The following LRRC7 variants were observed in gnomAD, a reference collection of about 807,000 sequenced individuals.
The protein encoded by LRRC7 is leucine rich repeat containing 7, also known as leucine-rich repeat-containing protein 7.
In LRRC7, 23 loss-of-function variants were observed where a neutral mutation model predicts 175.7. The observed-to-expected ratio is 0.13, with a 90% CI of 0.09 to 0.19. The LOEUF is 0.19. LRRC7 is among the 10% of genes least tolerant of loss of function. LRRC7 has a pLI of 1.00. For synonymous variants in LRRC7, 685 were observed against 680.9 expected, an observed-to-expected ratio of 1.01 and a Z score of -0.09; for missense variants, 1,354 against 1,904.7, an observed-to-expected ratio of 0.71 and a Z score of 5.38.
intron 8 of LRRC7, among the ~76,000 whole-genome samples, chr1:69,961,179 A>G (rs927740541): frequency 6.6e-6 from 1 of 152,196 alleles, no homozygotes; most frequent in African/African-American, 2.4e-5. Flanking sequence ...GCTCCTCTAT[A>G]CACTAGCAAT....
chr1:70,065,612 A>T (rs781298287), intron 23 of LRRC7, among the ~76,000 whole-genome samples: 19 of 151,886 alleles, frequency 1.3e-4, no homozygotes, highest in Non-Finnish European at 2.7e-4. Flanking sequence ...ATGAATACAG[A>T]CTCCTCTCTT....
chr1:69,628,529 T>G (rs1403877621), intron 1 of LRRC7, among the ~76,000 whole-genome samples: 2 of 152,178 alleles, frequency 1.3e-5, no homozygotes, highest in Non-Finnish European at 2.9e-5. Flanking sequence ...AGATTCAATA[T>G]TGTCAAGATC....
At chr1:69,953,135 G>A (rs746398268) in intron 8 of LRRC7, among the ~76,000 whole-genome samples, 2 of 151,742 alleles carry the variant, frequency 1.3e-5, no homozygotes, top group East Asian at 1.9e-4. Flanking sequence ...TAAATCCACC[G>A]CTACAAGGAC....
At chr1:69,900,203 G>A (rs1646095781) in intron 7 of LRRC7, among the ~76,000 whole-genome samples, 2 of 152,144 alleles carry the variant, frequency 1.3e-5, no homozygotes, top group Non-Finnish European at 2.9e-5. Context: ...TTACTGATAG[G>A]AGTCTGTTGC....
intron 26 of LRRC7, among the ~76,000 whole-genome samples, chr1:70,120,819 A>G (rs896795073): frequency 2.6e-5 from 4 of 152,092 alleles, no homozygotes; most frequent in Non-Finnish European, 5.9e-5. Flanking sequence ...GCAATTACAT[A>G]ACCATCAGTC....
chr1:69,902,105 T>C (rs538823499), intron 7 of LRRC7, among the ~76,000 whole-genome samples: 17 of 152,326 alleles, frequency 1.1e-4, no homozygotes, highest in African/African-American at 4.1e-4. Context: ...ATAGCCATTA[T>C]TATTACTAAT....
chr1:69,575,282 C>T (rs1645900369), intron 1 of LRRC7, among the ~76,000 whole-genome samples: 1 of 151,998 alleles, frequency 6.6e-6, no homozygotes, highest in African/African-American at 2.4e-5. Context: ...TCTCTTACAC[C>T]CGAGCAAAGT....
At chr1:69,822,390 A>G (rs1214753071) in intron 4 of LRRC7, among the ~76,000 whole-genome samples, 1 of 152,208 alleles carries the variant, frequency 6.6e-6, no homozygotes, top group Admixed American at 6.5e-5. Context: ...GGGAGGACCT[A>G]TGAATCAGTT....
At chr1:69,739,798 T>C (rs61783995) in intron 2 of LRRC7, among the ~76,000 whole-genome samples, 3,061 of 152,194 alleles carry the variant, frequency 0.02, 42 homozygotes, top group Non-Finnish European at 0.028. Flanking sequence ...TTGTGTACAA[T>C]GGTAGCTACA....
intron 1 of LRRC7, among the ~76,000 whole-genome samples, chr1:69,660,285 T>G (rs1657264915): frequency 6.6e-6 from 1 of 152,024 alleles, no homozygotes; most frequent in Admixed American, 6.6e-5. Context: ...AGTCTCAAAT[T>G]ACATAAAGCA....
intron 4 of LRRC7, among the ~76,000 whole-genome samples, chr1:69,822,052 G>A (rs909324053): frequency 1.3e-5 from 2 of 152,248 alleles, no homozygotes; most frequent in Admixed American, 6.5e-5. Flanking sequence ...TCACCAGTCA[G>A]CCAGATGATG....
At chr1:69,864,965 G>T (rs1684751327) in intron 7 of LRRC7, among the ~76,000 whole-genome samples, 1 of 152,100 alleles carries the variant, frequency 6.6e-6, no homozygotes, top group Non-Finnish European at 1.5e-5. Context: ...CACAAAGATT[G>T]CTGGTCCTTG....
intron 22 of LRRC7, among the ~76,000 whole-genome samples, chr1:70,047,554 G>A (rs992486600): frequency 6.6e-6 from 1 of 152,050 alleles, no homozygotes; most frequent in African/African-American, 2.4e-5. Context: ...TGTGAATGAA[G>A]CTTGAAGAAC....
rs1204650835 is a variant in LRRC7 at position 70,136,721 on chromosome 1, CTTTTTTTT to C, written c.*14851_*14858del. Among the ~76,000 whole-genome samples, 2 of 98,352 alleles carry C rather than the reference CTTTTTTTT, an allele frequency of 2.0e-5. No homozygotes were observed. The highest frequency in any genetic ancestry group is 4.2e-4 in the South Asian group (1 of 2,408). The allele number at this position is 98,352 out of a possible 152,430, so 64.5% of individuals were successfully genotyped here. On this transcript the variant is annotated 3_prime_UTR_variant, in exon 27 of 27. Transcript: ENST00000651989. The stretch of plus-strand genomic sequence containing the variant: ...TTCTGCTTTATTGCTTTTTTAATGC[CTTTTTTTT>C]TTTTTTTTTTTTTTTTCTGAGACAG...
intron 2 of LRRC7, among the ~76,000 whole-genome samples, chr1:69,723,852 T>C (rs927707763): frequency 3.3e-5 from 5 of 152,168 alleles, no homozygotes; most frequent in Admixed American, 3.3e-4. Context: ...GTCGTTTTTA[T>C]ATGGACATTA....
intron 2 of LRRC7, among the ~76,000 whole-genome samples, chr1:69,679,218 T>A (rs374080469): frequency 2.0e-5 from 3 of 152,130 alleles, no homozygotes; most frequent in African/African-American, 4.8e-5. Flanking sequence ...ATATAATTAT[T>A]TTCAGGGAAT....
At position 69,857,415 on chromosome 1, in the gene LRRC7, C is replaced by G. The variant is rs769092227; in HGVS notation, c.647+19132C>G. 5.7e-4 allele frequency among the ~76,000 whole-genome samples: 87 copies of G among 152,202 alleles called. 1 individual carries two copies. The highest frequency in any genetic ancestry group is 3.4e-3 in the Middle Eastern group (1 of 294). On this transcript the variant is annotated intron_variant, in intron 7 of 26. Transcript: ENST00000651989. ...TAAGCTGATAAGCAACTTCAGCAAA[C>G]TCTCAGGATACAAAATCAATGTGCA...
chr1:70,013,501 T>G (rs2101956049), intron 13 of LRRC7, among the ~76,000 whole-genome samples: 1 of 152,094 alleles, frequency 6.6e-6, no homozygotes. Flanking sequence ...ACAAATTAAC[T>G]GGGCAATGTG....
At chr1:69,760,459 A>G (rs965971841) in intron 3 of LRRC7, 66 bp downstream of exon 3, 1 of 1,361,774 alleles carries the variant, frequency 7.3e-7, no homozygotes, top group Non-Finnish European at 1.0e-6. Flanking sequence ...ATACTTTATT[A>G]TAATGGTAAT....
Sources: gnomAD v4.1 joint callset for allele counts (sites outside exome capture counted in the v4.1 genomes callset) on GRCh38, gnomAD v4.1.1 for gene constraint, MANE v1.5 for transcripts, NCBI Gene and HGNC (gene_info 2026-07-23, HGNC 2026-07-21) for gene names.